ADGRE3: variants seen among roughly 807,000 people sequenced by gnomAD.
The protein encoded by ADGRE3 is adhesion G protein-coupled receptor E3.
ADGRE3 carries 88 observed loss-of-function variants against 80.1 expected under a neutral mutation model. The observed-to-expected ratio is 1.10, with a 90% CI of 0.93 to 1.31. The LOEUF (loss-of-function observed/expected upper bound fraction) is 1.31, where lower values mean the gene tolerates loss of function less well. ADGRE3 is among the 40% of genes most tolerant of loss of function. The pLI is 0.00. For synonymous variants in ADGRE3, 281 were observed against 294.8 expected (o/e 0.95, Z 0.48); for missense variants, 715 against 776.5 (o/e 0.92, Z 0.94).
At chr19:14,660,217 CA>C (rs370797576) in intron 4 of ADGRE3, among the ~76,000 whole-genome samples, 104 of 152,248 alleles carry the variant, frequency 6.8e-4, no homozygotes, top group African/African-American at 2.4e-3. Context: ...GGAAAACAAC[CA>C]AAGGCATTTT....
Position 14,647,290 on chromosome 19 carries a change from T to A in ADGRE3, c.773A>T (p.Asp258Val). 6.2e-7 allele frequency: 1 copy of A among 1,613,258 alleles called. No individual in the cohort carries two copies. The highest frequency in any genetic ancestry group is 8.5e-7 in the Non-Finnish European group (1 of 1,179,268). Residue 258 changes from aspartate to valine, a missense_variant, in exon 8 of 16, where the codon GAT becomes GTT. Physicochemically the swap from Asp to Val is radical, Grantham distance 152. Transcript: ENST00000253673. ...IINATFFEEM[D>V]KKDQVYLNSQ... ...GTTCAGATACACTTGATCTTTCTTATCCATCTCTTCAAAAAAAGTTGCATT... is the reference window on the plus strand; with the variant it reads ...GTTCAGATACACTTGATCTTTCTTAACCATCTCTTCAAAAAAAGTTGCATT...
chr19:14,660,444 T>C (rs754263675), intron 4 of ADGRE3, among the ~76,000 whole-genome samples: 2 of 151,892 alleles, frequency 1.3e-5, no homozygotes, highest in East Asian at 1.9e-4. Flanking sequence ...CTGGGCGACA[T>C]AGTGAGAACC....
At chr19:14,636,182 T>TTTCCTC (rs1168729185) in intron 11 of ADGRE3, among the ~76,000 whole-genome samples, 3 of 7,990 alleles carry the variant, frequency 3.8e-4, no homozygotes, top group African/African-American at 7.0e-4. Context: ...CTTTCCTTCC[T>TTTCCTC]CTTTCTTTCT....
chr19:14,618,098 C>CATTT (rs547636567), downstream of ADGRE3, among the ~76,000 whole-genome samples: 6 of 151,952 alleles, frequency 3.9e-5, no homozygotes, highest in Admixed American at 2.0e-4. Flanking sequence ...ACACTTTAAA[C>CATTT]ATTTATTTAT....
chr19:14,600,639 T>C, the ADGRE3 span, among the ~76,000 whole-genome samples: 1 of 151,860 alleles, frequency 6.6e-6, no homozygotes, highest in African/African-American at 2.4e-5. Flanking sequence ...TGGAGTGCAG[T>C]GGCTGGATCT....
Position 14,635,986 on chromosome 19 carries a change from C to T in ADGRE3, c.1484+2119G>A, listed in dbSNP as rs185379845. On this transcript the variant is annotated intron_variant, in intron 11 of 15. Transcript: ENST00000253673. ...GCAAACCAGTATTGCCAATAAAGCTCTCCTTTCTCTCTCTTTCTCTTTCTT... is the reference window on the plus strand; with the variant it reads ...GCAAACCAGTATTGCCAATAAAGCTTTCCTTTCTCTCTCTTTCTCTTTCTT... 8.9e-3 allele frequency among the ~76,000 whole-genome samples: 666 copies of T among 75,076 alleles called. 32 individuals are homozygous for T. Among genetic ancestry groups the T allele is most frequent in the African/African-American group, 0.023 (637 of 27,168 alleles). 49.3% of individuals were successfully genotyped at this position (75,076 alleles called of 152,430 possible).
chr19:14,649,360 CCCCATCTCTCTT>C (rs1971515955), intron 7 of ADGRE3, among the ~76,000 whole-genome samples: 1 of 150,522 alleles, frequency 6.6e-6, no homozygotes, highest in African/African-American at 2.4e-5. Flanking sequence ...CCATCTCTCT[CCCCATCTCTCTT>C]TCCATCTCTC....
the ADGRE3 span, among the ~76,000 whole-genome samples, chr19:14,600,541 C>T: frequency 6.6e-6 from 1 of 152,122 alleles, no homozygotes; most frequent in Non-Finnish European, 1.5e-5. Flanking sequence ...CTCACGACAA[C>T]CTATACATTA....
At chr19:14,656,320 C>A (rs1453083478) in intron 5 of ADGRE3, among the ~76,000 whole-genome samples, 1 of 144,942 alleles carries the variant, frequency 6.9e-6, no homozygotes, top group African/African-American at 2.6e-5. Flanking sequence ...CATCACTGCA[C>A]TCCAGCCTGG....
chr19:14,612,020 A>C, the ADGRE3 span, among the ~76,000 whole-genome samples: 1 of 152,102 alleles, frequency 6.6e-6, no homozygotes, highest in Non-Finnish European at 1.5e-5. Context: ...ATAAATAAAA[A>C]TAAAAATTCA....
chr19:14,626,367 G>A (rs764466402), intron 14 of ADGRE3, among the ~76,000 whole-genome samples: 1 of 152,060 alleles, frequency 6.6e-6, no homozygotes, highest in Non-Finnish European at 1.5e-5. Context: ...AACCTGGGAG[G>A]CAGAGGTTGC....
chr19:14,619,497 T>C, intron 15 of ADGRE3, 26 bp from the exon 16 acceptor site: 1 of 1,557,958 alleles, frequency 6.4e-7, no homozygotes, highest in Non-Finnish European at 8.8e-7. Flanking sequence ...AGATTAAAGG[T>C]GGATGTAAGG....
the ADGRE3 span, among the ~76,000 whole-genome samples, chr19:14,603,191 C>T: frequency 6.6e-6 from 1 of 152,144 alleles, no homozygotes; most frequent in Non-Finnish European, 1.5e-5. Context: ...GAATGGTGTA[C>T]ATTTACTCTC....
chr19:14,636,454 G>A (rs375180221), intron 11 of ADGRE3, among the ~76,000 whole-genome samples: 12 of 151,576 alleles, frequency 7.9e-5, no homozygotes, highest in African/African-American at 2.4e-4. Context: ...CGATTCTCCC[G>A]CCTTGGCCTC....
intron 14 of ADGRE3, among the ~76,000 whole-genome samples, chr19:14,626,108 A>C (rs1004255823): frequency 8.8e-6 from 1 of 113,668 alleles, no homozygotes; most frequent in Non-Finnish European, 2.0e-5. Context: ...GTTTTACCAC[A>C]GTAAACATTT....
At position 14,662,092 on chromosome 19, in the gene ADGRE3, T is replaced by C. The variant is rs773283868; in HGVS notation, c.226A>G (p.Ser76Gly). Residue 76 changes from serine to glycine, a missense_variant, in exon 4 of 16, where the codon AGT (serine) becomes GGT (glycine). Ser to Gly is a moderately conservative substitution (Grantham distance 56). Coordinates refer to ENST00000253673, the MANE Select transcript of ADGRE3 (RefSeq NM_032571.5). The part of the protein sequence containing the change: ...NDINECTPPY[S>G]VYCGFNAVCY... Reference sequence around the variant, plus strand: ...ACAGCGTTAAATCCACAATATACACTATAGGGTGGTGTACATTCATTAATG... The same window carrying C: ...ACAGCGTTAAATCCACAATATACACCATAGGGTGGTGTACATTCATTAATG... 1.2e-6 allele frequency: 2 copies of C among 1,614,094 alleles called. No homozygotes were observed. The highest frequency in any genetic ancestry group is 1.7e-6 in the Non-Finnish European group (2 of 1,179,986).
At chr19:14,609,917 C>A in the ADGRE3 span, 1 of 610,934 alleles carries the variant, frequency 1.6e-6, no homozygotes, top group South Asian at 2.1e-5. Context: ...TCACTGTGCC[C>A]GGCTTACAGG....
Position 14,638,201 on chromosome 19 carries a change from A to G in ADGRE3, c.1388T>C (p.Met463Thr). ...GCCGACTGGGAACATGATCCACTTC[A>G]TGAGTCTATTGATGCTTGAGTAGTT... The part of the protein sequence containing the change: ...VVNYSSINRL[M>T]KWIMFPVGYG... Residue 463 changes from methionine (M) to threonine (T), a missense_variant, in exon 11 of 16, where the codon ATG becomes ACG. Transcript: ENST00000253673. 6.2e-7 allele frequency: 1 copy of G among 1,614,080 alleles called. No homozygotes were observed. Among genetic ancestry groups the G allele is most frequent in the Non-Finnish European group, 8.5e-7 (1 of 1,179,996 alleles).
chr19:14,636,282 C>A (rs1971085704), intron 11 of ADGRE3, among the ~76,000 whole-genome samples: 2 of 144,754 alleles, frequency 1.4e-5, no homozygotes, highest in Admixed American at 1.4e-4. Context: ...TGCGTTGGTA[C>A]AATCACAGCT....
Sources: gnomAD v4.1 joint callset for allele counts (sites outside exome capture counted in the v4.1 genomes callset) on GRCh38, gnomAD v4.1.1 for gene constraint, MANE v1.5 for transcripts, NCBI Gene and HGNC (gene_info 2026-07-23, HGNC 2026-07-21) for gene names.